SCAF4: variants seen among roughly 807,000 people sequenced by gnomAD.
SCAF4 encodes the protein SR-related CTD associated factor 4.
Under a neutral mutation model 129.8 loss-of-function variants are expected in SCAF4, and 25 were observed. The ratio of observed to expected loss-of-function variants is 0.19; its 90% CI spans 0.14 to 0.27. The LOEUF (loss-of-function observed/expected upper bound fraction) is 0.27. Ranked by LOEUF, SCAF4 falls within the 10% of genes least tolerant of loss-of-function variation. The pLI is 1.00. For missense variants in SCAF4, 1,246 were observed against 1,457.1 expected, an observed-to-expected ratio of 0.86 and a Z score of 2.36; for synonymous variants, 551 against 497.7, an observed-to-expected ratio of 1.11 and a Z score of -1.43.
At chr21:31,719,914 C>A (rs2051030312) in intron 1 of SCAF4, among the ~76,000 whole-genome samples, 1 of 152,208 alleles carries the variant, frequency 6.6e-6, no homozygotes, top group Admixed American at 6.5e-5. Context: ...GTTTTTAACC[C>A]TATTGGTTCC....
At chr21:31,672,828 C>A (rs920319854) in intron 19 of SCAF4, among the ~76,000 whole-genome samples, 1 of 152,224 alleles carries the variant, frequency 6.6e-6, no homozygotes, top group African/African-American at 2.4e-5. Context: ...CTAGAAAACC[C>A]AGGAAAGAGG....
chr21:31,727,085 T>A (rs574841047), intron 1 of SCAF4, among the ~76,000 whole-genome samples: 1 of 152,326 alleles, frequency 6.6e-6, no homozygotes. Context: ...TGTACTTTTT[T>A]TTCTTTTTTT....
chr21:31,716,573 C>G (rs2050924812), intron 1 of SCAF4, among the ~76,000 whole-genome samples: 1 of 152,064 alleles, frequency 6.6e-6, no homozygotes. Flanking sequence ...CACTGTATAA[C>G]AAAGCACACG....
chr21:31,722,828 C>T (rs184838207), intron 1 of SCAF4, among the ~76,000 whole-genome samples: 7 of 152,238 alleles, frequency 4.6e-5, no homozygotes, highest in African/African-American at 9.6e-5. Context: ...TGGCACGTGC[C>T]TGTAATCCCA....
chr21:31,671,642 C>T lies in SCAF4; in HGVS notation c.3201G>A (p.Glu1067=), dbSNP rs1476814073. 2.5e-6 allele frequency: 4 copies of T among 1,614,072 alleles called. No individual in the cohort carries two copies. The highest frequency in any genetic ancestry group is 3.4e-6 in the Non-Finnish European group (4 of 1,179,960). The part of the protein sequence containing the change: ...RDRERDSRDR[E]SRREKEEARG... ...GGGCTTCTTCCTTCTCTCTACGAGA[C>T]TCTCTATCTCTAGAATCTCTCTCTC... The change falls in exon 20 of 20, where the codon GAG becomes GAA. Residue 1067 remains glutamate, a synonymous_variant. Transcript: ENST00000286835.
intron 1 of SCAF4, among the ~76,000 whole-genome samples, chr21:31,723,309 G>A (rs1222691791): frequency 2.0e-5 from 3 of 151,904 alleles, no homozygotes; most frequent in African/African-American, 7.3e-5. Context: ...AAAATTGGCC[G>A]GGCCCGGTGG....
chr21:31,689,322 G>C (rs2050202523), intron 15 of SCAF4, among the ~76,000 whole-genome samples: 1 of 151,468 alleles, frequency 6.6e-6, no homozygotes, highest in African/African-American at 2.4e-5. Flanking sequence ...TTTTGAGACA[G>C]AGTCTTGCTC....
rs147447904 is a variant in SCAF4, at chr21:31,720,200, T to C, written c.30+11463A>G. ...TCTTCCTAGACATCAATACAAGAAATAAAAATTGATTCCAGGACATAAAAT... is the reference window on the plus strand; with the variant it reads ...TCTTCCTAGACATCAATACAAGAAACAAAAATTGATTCCAGGACATAAAAT... On this transcript the variant is annotated intron_variant, in intron 1 of 19. Transcript: ENST00000286835. 5.6e-3 allele frequency among the ~76,000 whole-genome samples: 854 copies of C among 152,258 alleles called. 3 individuals are homozygous for C. Among genetic ancestry groups the C allele is most frequent in the Middle Eastern group, 0.017 (5 of 294 alleles).
chr21:31,672,056 T>C lies in SCAF4; in HGVS notation c.2787A>G (p.Pro929=). ...CTCTGTCTTCAGGACCCCCTGGGCC[T>C]GGCCCTGGGCCCCCGAGCCCTGGCA... The part of the protein sequence containing the change: ...GGMPGLGGPG[P]GPGGPEDRDG... Residue 929 remains proline (P), a synonymous_variant, in exon 20 of 20, where the codon CCA becomes CCG. Coordinates refer to ENST00000286835, the MANE Select transcript of SCAF4 (RefSeq NM_020706.2). 6.2e-7 allele frequency: 1 copy of C among 1,613,408 alleles called. No individual in the cohort carries two copies. The highest frequency in any genetic ancestry group is 1.1e-5 in the South Asian group (1 of 91,056).
chr21:31,678,767 T>C (rs980444799), intron 19 of SCAF4, among the ~76,000 whole-genome samples: 1 of 152,206 alleles, frequency 6.6e-6, no homozygotes, highest in Admixed American at 6.5e-5. Context: ...CATTACTGGT[T>C]CAGATGCCTT....
At chr21:31,690,764 G>C in intron 15 of SCAF4, 33 bp downstream of exon 15, 1 of 1,588,706 alleles carries the variant, frequency 6.3e-7, no homozygotes, top group South Asian at 1.2e-5. Flanking sequence ...AAGCAAATAA[G>C]TGAACTGTAA....
At position 31,685,742 on chromosome 21, in the gene SCAF4, AAAGAT is replaced by A. The variant is rs758541096; in HGVS notation, c.2044-14_2044-10del. 6.4e-6 allele frequency: 10 copies of A among 1,561,752 alleles called. No homozygotes were observed. The highest frequency in any genetic ancestry group is 4.5e-5 in the East Asian group (2 of 44,602). On this transcript the variant is annotated splice_polypyrimidine_tract_variant and intron_variant, in intron 16 of 19. Transcript: ENST00000286835. ...GGTTGATGTGGTGGGACCTAGAAAG[AAAGAT>A]AAAAGAATAAACCACCTATCTAGAC...
intron 1 of SCAF4, among the ~76,000 whole-genome samples, chr21:31,722,648 A>C (rs1383349389): frequency 6.6e-6 from 1 of 152,194 alleles, no homozygotes; most frequent in Non-Finnish European, 1.5e-5. Context: ...ATTTTGACTG[A>C]GGCATTTCAA....
Position 31,671,646 on chromosome 21 carries a change from C to G in SCAF4, c.3197G>C (p.Arg1066Thr). Residue 1066 changes from arginine (R) to threonine (T), a missense_variant, in exon 20 of 20, where the codon AGA (arginine) becomes ACA (threonine). This residue lies in a region of SCAF4 where 339 missense variants were observed against 325.0 expected (regional missense o/e 1.04). Coordinates refer to ENST00000286835, the MANE Select transcript of SCAF4 (RefSeq NM_020706.2). ...TTCTTCCTTCTCTCTACGAGACTCT[C>G]TATCTCTAGAATCTCTCTCTCTGTC... is the stretch of plus-strand genomic sequence containing the variant. ...HRDRERDSRD[R>T]ESRREKEEAR... 2 of 1,614,122 alleles carry G rather than the reference C, an allele frequency of 1.2e-6. No individual in the cohort carries two copies. Among genetic ancestry groups the G allele is most frequent in the Non-Finnish European group, 1.7e-6 (2 of 1,179,982 alleles).
intron 1 of SCAF4, 93 bp downstream of exon 1, chr21:31,731,570 C>A (rs2051360028): frequency 6.2e-6 from 9 of 1,454,264 alleles, no homozygotes; most frequent in Non-Finnish European, 8.4e-6. Flanking sequence ...AGCGTCCCCA[C>A]CCGGACCAAA....
In SCAF4 at chr21:31,696,632, G is replaced by C. The variant is rs1436480964; in HGVS notation, c.896C>G (p.Thr299Ser). Reference protein sequence around the residue: ...APAAAVPPAPTATVPAAAAPA... With the variant: ...APAAAVPPAPSATVPAAAAPA... ...TGCAGCAGCAGCAGGCACGGTGGCG[G>C]TGGGTGCAGGGGGTACTGCGGCAGC... The change falls in exon 8 of 20, where the codon ACC becomes AGC. Residue 299 changes from threonine to serine, a missense_variant. Around this residue, in one of 6 missense-constraint regions of SCAF4, gnomAD observed 236 missense variants for 210.0 expected, o/e 1.12. Transcript: ENST00000286835. 1 of 1,613,396 alleles carries C rather than the reference G, an allele frequency of 6.2e-7. No homozygotes were observed. The highest frequency in any genetic ancestry group is 1.3e-5 in the African/African-American group (1 of 74,902).
intron 1 of SCAF4, among the ~76,000 whole-genome samples, chr21:31,716,419 C>T (rs1442836830): frequency 6.6e-6 from 1 of 152,060 alleles, no homozygotes; most frequent in Non-Finnish European, 1.5e-5. Context: ...ATTCAAATCT[C>T]CTTCCTGTTA....
chr21:31,684,996 G>T (rs749027379), intron 19 of SCAF4, 53 bp downstream of exon 19: 1 of 622,316 alleles, frequency 1.6e-6, no homozygotes, highest in Non-Finnish European at 2.7e-6. Flanking sequence ...ATGGGTGGGG[G>T]GGTGGGGGGG....
intron 1 of SCAF4, among the ~76,000 whole-genome samples, chr21:31,717,904 T>TACACATATATACAC (rs2050972606): frequency 3.4e-5 from 4 of 117,940 alleles, no homozygotes; most frequent in African/African-American, 7.1e-5. Context: ...TACACATATA[T>TACACATATATACAC]ACACACACAC....
Sources: allele counts gnomAD v4.1 joint callset (sites outside exome capture counted in the v4.1 genomes callset), GRCh38; gene constraint gnomAD v4.1.1; regional missense constraint gnomAD v4.1.1; transcripts MANE v1.5; gene names NCBI Gene and HGNC (gene_info 2026-07-23, HGNC 2026-07-21).